WASHC2A: variants seen among roughly 807,000 people sequenced by gnomAD.
WASHC2A encodes WASH complex subunit FAM21A.
A neutral mutation model predicts 140.3 loss-of-function variants in WASHC2A; 82 were observed. The observed-to-expected ratio is 0.58, with a 90% CI of 0.49 to 0.70. The LOEUF (loss-of-function observed/expected upper bound fraction) is 0.70. Ranked by LOEUF, WASHC2A falls within the 30% of genes least tolerant of loss-of-function variation. The pLI is 0.00. For synonymous variants in WASHC2A, 340 were observed against 560.8 expected, an observed-to-expected ratio of 0.61 and a Z score of 5.56; for missense variants, 985 against 1,521.8, an observed-to-expected ratio of 0.65 and a Z score of 5.87.
intron 26 of WASHC2A, chr10:50,126,613 C>T (rs1291408439): frequency 4.4e-5 from 12 of 274,126 alleles, no homozygotes; most frequent in African/African-American, 6.7e-5. Flanking sequence ...CTTCCCAGAA[C>T]GCTGTGGAGC....
Position 50,068,102 on chromosome 10 carries a change from C to A in WASHC2A, c.4-3C>A. 1 of 1,608,082 alleles carries A rather than the reference C, an allele frequency of 6.2e-7. No homozygotes were observed. ...GCTTCTCTTCTCGTTTTTTTCGCTG[C>A]AGATGAACCGGACGACCCCCGACCA... On this transcript the variant is annotated splice_region_variant and splice_polypyrimidine_tract_variant and intron_variant, in intron 1 of 30. Transcript: ENST00000282633.
At chr10:50,100,458 G>A (rs1220972950) in intron 17 of WASHC2A, among the ~76,000 whole-genome samples, 9 of 152,112 alleles carry the variant, frequency 5.9e-5, no homozygotes, top group African/African-American at 2.2e-4. Flanking sequence ...CTCCAGTCTG[G>A]GCGACAGAGC....
intron 30 of WASHC2A, 52 bp from the exon 31 acceptor site, chr10:50,132,754 G>A (rs1844094102): frequency 1.9e-6 from 3 of 1,612,060 alleles, no homozygotes; most frequent in East Asian, 2.2e-5. Context: ...TGTCTTAAAA[G>A]TACCTTTCTC....
chr10:50,128,168 T>C (rs1443289077), intron 28 of WASHC2A, among the ~76,000 whole-genome samples: 1 of 151,380 alleles, frequency 6.6e-6, no homozygotes, highest in Non-Finnish European at 1.5e-5. Context: ...GCTCCTGGGT[T>C]TGGTATGAAA....
chr10:50,090,518 ATAT>A (rs1839821362), intron 8 of WASHC2A, among the ~76,000 whole-genome samples: 1 of 99,390 alleles, frequency 1.0e-5, no homozygotes, highest in Non-Finnish European at 2.4e-5. Flanking sequence ...AAAAAAAAAT[ATAT>A]ATATATATAT....
intron 2 of WASHC2A, among the ~76,000 whole-genome samples, chr10:50,069,273 A>G (rs1837575542): frequency 6.6e-6 from 1 of 150,946 alleles, no homozygotes; most frequent in Admixed American, 6.6e-5. Context: ...AAAAATACAC[A>G]AAATTAGTTG....
chr10:50,070,123 A>T (rs1837670727), intron 3 of WASHC2A, among the ~76,000 whole-genome samples: 2 of 152,194 alleles, frequency 1.3e-5, no homozygotes, highest in African/African-American at 4.8e-5. Flanking sequence ...TTCAGGGGAT[A>T]TATATGTCTG....
In WASHC2A at chr10:50,130,133, G is replaced by T. The variant is rs1843811307; in HGVS notation, c.3708+94G>T. On this transcript the variant is annotated intron_variant, in intron 29 of 30. Coordinates refer to ENST00000282633, the MANE Select transcript of WASHC2A (RefSeq NM_001005751.3). ...CCATAGATTATGTCTAGCTTGTTGC[G>T]TGCATACCCCATAGCCACTTGCTTA... is the stretch of plus-strand genomic sequence containing the variant. 5 of 1,514,672 alleles carry T rather than the reference G, an allele frequency of 3.3e-6. No homozygotes were observed. The South Asian group carries it at 4.8e-5, about 14-fold the overall frequency. The allele number at this position is 1,514,672 out of a possible 1,614,324, so 93.8% of individuals were successfully genotyped here. A position where few individuals can be genotyped will look rare whatever the true frequency, so the allele number is the denominator to read the frequency against.
chr10:50,076,999 C>G (rs1426452292), intron 3 of WASHC2A, among the ~76,000 whole-genome samples: 1 of 151,880 alleles, frequency 6.6e-6, no homozygotes, highest in African/African-American at 2.4e-5. Context: ...CACCTGTAGT[C>G]CCAGCTACTC....
At chr10:50,071,032 C>CA (rs538387258) in intron 3 of WASHC2A, among the ~76,000 whole-genome samples, 3,668 of 80,276 alleles carry the variant, frequency 0.046, 86 homozygotes, top group Admixed American at 0.069. Flanking sequence ...AACTCCGTCT[C>CA]AAAAAAAAAA....
chr10:50,103,870 C>T (rs1175112047), intron 17 of WASHC2A, among the ~76,000 whole-genome samples, 172 bp from the exon 18 acceptor site: 6 of 152,086 alleles, frequency 3.9e-5, no homozygotes, highest in African/African-American at 1.4e-4. Context: ...ACACCCTGCA[C>T]AGACCCTGAG....
In WASHC2A at chr10:50,104,037, A is replaced by G. The variant is rs1445516716; in HGVS notation, c.1636-5A>G. 1 of 1,542,188 alleles carries G rather than the reference A, an allele frequency of 6.5e-7. No homozygotes were observed. Among genetic ancestry groups the G allele is most frequent in the African/African-American group, 1.4e-5 (1 of 73,706 alleles). ...TAACCAGCAACTTTAATTTCAATCC[A>G]ACAGGATTTGTTTTCTTCTCAAAGT... On this transcript the variant is annotated splice_polypyrimidine_tract_variant and splice_region_variant and intron_variant, in intron 17 of 30. Coordinates refer to ENST00000282633, the MANE Select transcript of WASHC2A (RefSeq NM_001005751.3).
chr10:50,106,544 A>G (rs1382904000), intron 19 of WASHC2A, 79 bp downstream of exon 19: 270 of 1,588,778 alleles, frequency 1.7e-4, no homozygotes, highest in Admixed American at 3.1e-4. Flanking sequence ...GTCTTTTTCT[A>G]CCTGTTTTAT....
In WASHC2A at chr10:50,131,013, C is replaced by G. The variant is rs1843920274; in HGVS notation, c.3821C>G (p.Thr1274Ser). The G allele has an allele frequency of 6.2e-7, 1 of 1,610,676 alleles. No homozygotes were observed. Among genetic ancestry groups the G allele is most frequent in the Admixed American group, 1.7e-5 (1 of 59,852 alleles). ...AACATTGATATCTTTGCTGACTTAACTGTAAAACCAAAAGAAAAGTCCAAA... is the reference window on the plus strand; with the variant it reads ...AACATTGATATCTTTGCTGACTTAAGTGTAAAACCAAAAGAAAAGTCCAAA... ...DDNIDIFADL[T>S]VKPKEKSKKK... Residue 1274 changes from threonine (T) to serine (S), a missense_variant, in exon 30 of 31, where the codon ACT (threonine) becomes AGT (serine). Coordinates refer to ENST00000282633, the MANE Select transcript of WASHC2A (RefSeq NM_001005751.3).
intron 23 of WASHC2A, among the ~76,000 whole-genome samples, chr10:50,124,869 C>CATAT (rs3067568): frequency 0.29 from 43,267 of 148,928 alleles, 6,650 homozygotes; most frequent in Middle Eastern, 0.41. Flanking sequence ...AAAGCTTGTG[C>CATAT]ATATATATAT....
Position 50,129,791 on chromosome 10 carries a change from A to G in WASHC2A, c.3460A>G (p.Ile1154Val). ...SVERTKPKAK[I>V]AENPANPPVG... Reference sequence around the variant, plus strand: ...GGAGAGAACAAAACCCAAGGCAAAGATAGCAGAGAATCCTGCCAACCCACC... The same window carrying G: ...GGAGAGAACAAAACCCAAGGCAAAGGTAGCAGAGAATCCTGCCAACCCACC... Residue 1154 changes from isoleucine (I) to valine (V), a missense_variant, in exon 29 of 31, where the codon ATA (isoleucine) becomes GTA (valine). Transcript: ENST00000282633. 1 of 1,612,066 alleles carries G rather than the reference A, an allele frequency of 6.2e-7. No individual in the cohort carries two copies. Among genetic ancestry groups the G allele is most frequent in the African/African-American group, 1.3e-5 (1 of 74,988 alleles).
rs917478296 is a variant in WASHC2A, at chr10:50,133,047, T to C, written c.*102T>C. 5 of 1,598,796 alleles carry C rather than the reference T, an allele frequency of 3.1e-6. No homozygotes were observed. In the African/African-American group the frequency reaches 6.7e-5, roughly 21 times the overall value. On this transcript the variant is annotated 3_prime_UTR_variant, in exon 31 of 31. Transcript: ENST00000282633. ...TAACTGGATTACAAAAAGCAAATAC[T>C]AGAACAGCTAGCTCATCGTTCACCC...
chr10:50,110,235 C>A lies in WASHC2A; in HGVS notation c.2004C>A (p.Asp668Glu). Residue 668 changes from aspartate to glutamate, a missense_variant, in exon 20 of 31, where the codon GAC becomes GAA. Physicochemically the swap from Asp to Glu is conservative, Grantham distance 45 (BLOSUM62 2). Transcript: ENST00000282633. Reference sequence around the variant, plus strand: ...AAAAGACCAGTCTCTTTGAGGAAGACGAAGAAGATGATCTTTTTGCCATTG... The same window carrying A: ...AAAAGACCAGTCTCTTTGAGGAAGAAGAAGAAGATGATCTTTTTGCCATTG... ...AVKKTSLFEEDEEDDLFAIAK... is the reference protein window; with the variant it reads ...AVKKTSLFEEEEEDDLFAIAK... 6.2e-7 allele frequency: 1 copy of A among 1,611,828 alleles called. No individual in the cohort carries two copies. The highest frequency in any genetic ancestry group is 8.5e-7 in the Non-Finnish European group (1 of 1,179,826).
chr10:50,080,270 T>G (rs1838778494), intron 4 of WASHC2A, among the ~76,000 whole-genome samples: 1 of 152,190 alleles, frequency 6.6e-6, no homozygotes, highest in African/African-American at 2.4e-5. Flanking sequence ...TAGAACAGAT[T>G]TATAAAATAA....
Sources: gnomAD v4.1 joint callset for allele counts (sites outside exome capture counted in the v4.1 genomes callset) on GRCh38, gnomAD v4.1.1 for gene constraint, MANE v1.5 for transcripts, NCBI Gene and HGNC (gene_info 2026-07-23, HGNC 2026-07-21) for gene names.